The following RBFOX1 variants were observed in gnomAD, a reference collection of about 807,000 sequenced individuals.
RBFOX1 encodes the protein RNA binding fox-1 homolog 1.
In RBFOX1, 8 loss-of-function variants were observed where a neutral mutation model predicts 57.7. That is an observed-to-expected ratio of 0.14 (90% CI 0.08 to 0.25). RBFOX1 has a LOEUF of 0.25. Among genes scored for constraint, RBFOX1 ranks in the 10% least tolerant of loss-of-function variants. The probability of loss-of-function intolerance (pLI) is 1.00; values close to 1 mark genes in which losing one functional copy is unlikely to be tolerated. For synonymous variants in RBFOX1, 326 were observed against 222.4 expected, an observed-to-expected ratio of 1.47 and a Z score of -4.15; for missense variants, 611 against 548.5, an observed-to-expected ratio of 1.11 and a Z score of -1.14.
At chr16:7,292,407 A>T (rs2095806810) in intron 4 of RBFOX1, among the ~76,000 whole-genome samples, 1 of 138,618 alleles carries the variant, frequency 7.2e-6, no homozygotes, top group Non-Finnish European at 1.5e-5. Flanking sequence ...TATGTAATGT[A>T]TTATATTATA....
At chr16:7,598,946 G>T (rs1398046885) in intron 9 of RBFOX1, among the ~76,000 whole-genome samples, 2 of 152,166 alleles carry the variant, frequency 1.3e-5, no homozygotes, top group African/African-American at 4.8e-5. Flanking sequence ...TTTTGCCAGT[G>T]ACTACCAATT....
intron 3 of RBFOX1, among the ~76,000 whole-genome samples, chr16:6,815,636 C>T (rs1189307870): frequency 6.6e-6 from 1 of 152,144 alleles, no homozygotes; most frequent in African/African-American, 2.4e-5. Context: ...GAGTGACTTT[C>T]TCAAGGCTAC....
At chr16:7,178,302 T>A (rs749292311) in intron 4 of RBFOX1, among the ~76,000 whole-genome samples, 1 of 152,192 alleles carries the variant, frequency 6.6e-6, no homozygotes, top group Non-Finnish European at 1.5e-5. Context: ...TTGATTGACG[T>A]CACTGAGAAA....
chr16:6,826,673 A>C (rs368986045), intron 3 of RBFOX1, among the ~76,000 whole-genome samples: 1 of 152,056 alleles, frequency 6.6e-6, no homozygotes, highest in Non-Finnish European at 1.5e-5. Context: ...CTACCAGCCT[A>C]AGAGCTCAGG....
At chr16:6,072,965 G>T (rs749377154) in intron 1 of RBFOX1, among the ~76,000 whole-genome samples, 1 of 152,222 alleles carries the variant, frequency 6.6e-6, no homozygotes, top group South Asian at 2.1e-4. Flanking sequence ...AGTATTTTGT[G>T]TGTCAATTAT....
At chr16:6,467,139 A>G (rs959410874) in intron 2 of RBFOX1, among the ~76,000 whole-genome samples, 1 of 151,034 alleles carries the variant, frequency 6.6e-6, no homozygotes, top group African/African-American at 2.4e-5. Context: ...GTGTAATATA[A>G]TAAAGTTTAC....
At chr16:6,845,684 C>G (rs1220191367) in intron 3 of RBFOX1, among the ~76,000 whole-genome samples, 2 of 152,170 alleles carry the variant, frequency 1.3e-5, no homozygotes, top group African/African-American at 4.8e-5. Context: ...TCAGAGATCT[C>G]ACCAGAACGT....
intron 2 of RBFOX1, among the ~76,000 whole-genome samples, chr16:6,499,035 T>C (rs2095848581): frequency 6.6e-6 from 1 of 152,186 alleles, no homozygotes; most frequent in Admixed American, 6.5e-5. Flanking sequence ...GTGTGACAGG[T>C]TAGTAATTAA....
chr16:7,630,019 C>T (rs781691776), intron 10 of RBFOX1, among the ~76,000 whole-genome samples: 2 of 152,262 alleles, frequency 1.3e-5, no homozygotes, highest in South Asian at 2.1e-4. Flanking sequence ...AGAACTGATT[C>T]GGAAAGACTG....
At chr16:6,594,546 C>G (rs963735840) in intron 2 of RBFOX1, among the ~76,000 whole-genome samples, 6 of 151,996 alleles carry the variant, frequency 3.9e-5, no homozygotes, top group African/African-American at 1.4e-4. Flanking sequence ...CAGGAAAAGT[C>G]AAGAATCTAG....
At chr16:7,141,759 C>G (rs1200471976) in intron 4 of RBFOX1, among the ~76,000 whole-genome samples, 1 of 152,122 alleles carries the variant, frequency 6.6e-6, no homozygotes, top group Non-Finnish European at 1.5e-5. Context: ...ATCCATCTTT[C>G]CTACTCTGTC....
intron 4 of RBFOX1, among the ~76,000 whole-genome samples, chr16:7,198,770 C>G (rs1315652167): frequency 6.6e-6 from 1 of 152,184 alleles, no homozygotes; most frequent in Non-Finnish European, 1.5e-5. Flanking sequence ...CTAATCACCT[C>G]TTACTGGGCC....
chr16:7,466,493 G>C (rs1286479907), intron 4 of RBFOX1, among the ~76,000 whole-genome samples: 1 of 152,106 alleles, frequency 6.6e-6, no homozygotes, highest in Non-Finnish European at 1.5e-5. Flanking sequence ...TCCTAGGGTG[G>C]TTAATGGAGC....
At chr16:7,389,285 C>A (rs1194563959) in intron 4 of RBFOX1, among the ~76,000 whole-genome samples, 1 of 152,016 alleles carries the variant, frequency 6.6e-6, no homozygotes, top group Non-Finnish European at 1.5e-5. Flanking sequence ...GTCACCACGC[C>A]CAGCTAATTT....
chr16:6,302,650 C>T lies in RBFOX1; in HGVS notation c.-126-14345C>T, dbSNP rs113742380. On this transcript the variant is annotated intron_variant, in intron 1 of 15. Coordinates refer to ENST00000550418, the MANE Select transcript of RBFOX1 (RefSeq NM_018723.4). ...GATTTTCCTCTTCTGAGGATGCATACGAACCAGGTCATCTGTTGCAATTAA... is the reference window on the plus strand; with the variant it reads ...GATTTTCCTCTTCTGAGGATGCATATGAACCAGGTCATCTGTTGCAATTAA... Among the ~76,000 whole-genome samples the T allele has an allele frequency of 2.4e-4, 36 of 152,136 alleles. 1 individual carries two copies. Among genetic ancestry groups the T allele is most frequent in the African/African-American group, 7.9e-4 (33 of 41,518 alleles).
intron 1 of RBFOX1, among the ~76,000 whole-genome samples, chr16:5,331,455 G>T (rs884670): frequency 5.3e-5 from 8 of 152,252 alleles, no homozygotes; most frequent in South Asian, 2.1e-4. Flanking sequence ...ATTTAGATGG[G>T]GCTTGGCTGG....
intron 4 of RBFOX1, among the ~76,000 whole-genome samples, chr16:5,951,139 CT>C (rs1268017170): frequency 1.3e-5 from 2 of 152,116 alleles, no homozygotes; most frequent in Non-Finnish European, 2.9e-5. Flanking sequence ...ATATCCTGAA[CT>C]TTTTATTTAA....
chr16:7,002,642 G>T (rs1209099943), intron 3 of RBFOX1, among the ~76,000 whole-genome samples: 1 of 151,574 alleles, frequency 6.6e-6, no homozygotes, highest in Non-Finnish European at 1.5e-5. Flanking sequence ...AACCTGGGAG[G>T]CAGAGGTTGC....
At chr16:7,161,630 A>C (rs2078345943) in intron 4 of RBFOX1, among the ~76,000 whole-genome samples, 1 of 152,150 alleles carries the variant, frequency 6.6e-6, no homozygotes, top group African/African-American at 2.4e-5. Context: ...AATCCCAGGG[A>C]GCTTTCTATG....
Sources: allele counts gnomAD v4.1 joint callset (sites outside exome capture counted in the v4.1 genomes callset), GRCh38; gene constraint gnomAD v4.1.1; transcripts MANE v1.5; gene names NCBI Gene and HGNC (gene_info 2026-07-23, HGNC 2026-07-21).